Variants in OR4D9 observed in about 807,000 individuals in gnomAD.
OR4D9 encodes olfactory receptor 4D9.
OR4D9 carries 2 observed loss-of-function variants against 0.8 expected under a neutral mutation model. The observed-to-expected ratio is 2.58, with a 90% confidence interval of 1.06 to 8.13. The LOEUF is 8.13. OR4D9 is among the 30% of genes most tolerant of loss of function. The pLI is 0.04. For synonymous variants in OR4D9, 146 were observed against 151.2 expected (o/e 0.97, Z 0.25); for missense variants, 399 against 384.7 (o/e 1.04, Z -0.31).
In OR4D9 at chr11:59,514,779, G is replaced by A. The variant is rs1048889752; in HGVS notation, c.-31+13G>A. On this transcript the variant is annotated intron_variant, in intron 2 of 2. Transcript: ENST00000641962. ...ACTTGCAGACACAGTGAGTGCATAGGGAAAAGAGCTTCCTCCTAATTCTGA... is the reference window on the plus strand; with the variant it reads ...ACTTGCAGACACAGTGAGTGCATAGAGAAAAGAGCTTCCTCCTAATTCTGA... 3 of 638,466 alleles carry A rather than the reference G, an allele frequency of 4.7e-6. No individual in the cohort carries two copies. The highest frequency in any genetic ancestry group is 8.2e-6 in the Non-Finnish European group (3 of 367,632). The allele number at this position is 638,466 out of a possible 1,614,324, so 39.6% of individuals were successfully genotyped here.
chr11:59,515,785 T>C lies in OR4D9; in HGVS notation c.873T>C (p.Asn291=). Residue 291 remains asparagine, a synonymous_variant, in exon 3 of 3, where the codon AAT becomes AAC. Coordinates refer to ENST00000641962, the MANE Select transcript of OR4D9 (RefSeq NM_001004711.2). ...LLNPIIYTLR[N]QEMKLAMRKL... The stretch of plus-strand genomic sequence containing the variant: ...ATCCTATAATTTACACGCTGAGGAA[T>C]CAGGAAATGAAGTTGGCCATGAGGA... The C allele has an allele frequency of 6.2e-7, 1 of 1,614,072 alleles. No homozygotes were observed. The highest frequency in any genetic ancestry group is 8.5e-7 in the Non-Finnish European group (1 of 1,180,018).
intron 1 of OR4D9, among the ~76,000 whole-genome samples, chr11:59,512,594 C>A (rs1324727840): frequency 6.6e-6 from 1 of 150,934 alleles, no homozygotes; most frequent in Admixed American, 6.6e-5. Context: ...GAGGTCCAGG[C>A]AGGTGGTTCA....
rs747776043 is a variant in OR4D9, at chr11:59,515,255, C to G, written c.343C>G (p.Leu115Val). ...HLLGGADVFSLSVMAFDRYIA... is the reference protein window; with the variant it reads ...HLLGGADVFSVSVMAFDRYIA... ...TCTGGGGGGAGCAGACGTTTTTTCT[C>G]TCTCTGTGATGGCGTTTGACCGCTA... Residue 115 changes from leucine to valine, a missense_variant, in exon 3 of 3, where the codon CTC becomes GTC. By Grantham distance (32) the Leu-to-Val change is conservative. Coordinates refer to ENST00000641962, the MANE Select transcript of OR4D9 (RefSeq NM_001004711.2). The G allele has an allele frequency of 2.3e-5, 37 of 1,612,882 alleles. No individual in the cohort carries two copies. Among genetic ancestry groups the G allele is most frequent in the Non-Finnish European group, 2.8e-5 (33 of 1,179,706 alleles).
In OR4D9 at chr11:59,517,690, G is replaced by T. The variant is rs1040847619; in HGVS notation, c.*1833G>T. On this transcript the variant is annotated 3_prime_UTR_variant, in exon 3 of 3. Coordinates refer to ENST00000641962, the MANE Select transcript of OR4D9 (RefSeq NM_001004711.2). ...ACTAAAAATACAAAAATTAAGCCGG[G>T]TGTGGTGGTAAGCGCCTGTAATCCC... 1.3e-5 allele frequency: 2 copies of T among 152,172 alleles called. No homozygotes were observed. The highest frequency in any genetic ancestry group is 2.9e-5 in the Non-Finnish European group (2 of 68,060). 9.4% of individuals were successfully genotyped at this position (152,172 alleles called of 1,614,324 possible).
rs891374269 is a variant in OR4D9, at chr11:59,518,362, C to T, written c.*2505C>T. On this transcript the variant is annotated 3_prime_UTR_variant, in exon 3 of 3. Transcript: ENST00000641962. ...AATGCTGGTCTGCAGAAAGAGGGCA[C>T]AGTGCCACACTGTCATTCAGAAATG... The T allele has an allele frequency of 2.0e-5, 3 of 152,228 alleles. No individual in the cohort carries two copies. The highest frequency in any genetic ancestry group is 1.9e-4 in the East Asian group (1 of 5,202). 9.4% of individuals were successfully genotyped at this position (152,228 alleles called of 1,614,324 possible). A position where few individuals can be genotyped will look rare whatever the true frequency, so the allele number is the denominator to read the frequency against.
In OR4D9 at chr11:59,514,987, G is replaced by C. The variant is rs147595168; in HGVS notation, c.75G>C (p.Gln25His). ...TTACTCAGTCCCGAGAACTGAGCCA[G>C]GTCTTATTTACCTTCCTGTTTTTGG... ...LGITQSRELSQVLFTFLFLVY... is the reference protein window; with the variant it reads ...LGITQSRELSHVLFTFLFLVY... The change falls in exon 3 of 3, where the codon CAG (glutamine) becomes CAC (histidine). Residue 25 changes from glutamine (Q) to histidine (H), a missense_variant. By Grantham distance (24) the Gln-to-His change is conservative. Coordinates refer to ENST00000641962, the MANE Select transcript of OR4D9 (RefSeq NM_001004711.2). The C allele has an allele frequency of 1.9e-3, 3,122 of 1,614,058 alleles. 5 individuals are homozygous for C. Among genetic ancestry groups the C allele is most frequent in the Non-Finnish European group, 2.4e-3 (2,874 of 1,179,948 alleles).
Position 59,516,640 on chromosome 11 carries a change from A to G in OR4D9, c.*783A>G, listed in dbSNP as rs1423209525. 2 of 152,114 alleles carry G rather than the reference A, an allele frequency of 1.3e-5. No individual in the cohort carries two copies. The highest frequency in any genetic ancestry group is 2.9e-5 in the Non-Finnish European group (2 of 68,058). 9.4% of individuals were successfully genotyped at this position (152,114 alleles called of 1,614,324 possible). A position where few individuals can be genotyped will look rare whatever the true frequency, so the allele number is the denominator to read the frequency against. ...GAACAATCCAAGCAAGGAAAACAAC[A>G]TGTACTTGTCCACATGAGGTGTCTT... On this transcript the variant is annotated 3_prime_UTR_variant, in exon 3 of 3. Transcript: ENST00000641962.
At chr11:59,513,717 G>A (rs182898482) in intron 1 of OR4D9, among the ~76,000 whole-genome samples, 6 of 152,212 alleles carry the variant, frequency 3.9e-5, no homozygotes, top group East Asian at 3.9e-4. Flanking sequence ...AAGATCACCC[G>A]AGGCCAGGAG....
intron 1 of OR4D9, among the ~76,000 whole-genome samples, chr11:59,512,531 G>A (rs896372628): frequency 1.3e-5 from 2 of 151,176 alleles, no homozygotes; most frequent in African/African-American, 2.4e-5. Flanking sequence ...AAAATAAAAC[G>A]GTAACTCTTG....
Position 59,519,376 on chromosome 11 carries a change from T to C in OR4D9, c.*3519T>C, listed in dbSNP as rs1448797286. ...CTCAAAAAAAAAAAAAGAAAAAGTT[T>C]GCTGGAAAGGCAACTAGACCCTTAG... On this transcript the variant is annotated 3_prime_UTR_variant, in exon 3 of 3. Transcript: ENST00000641962. 2 of 149,692 alleles carry C rather than the reference T, an allele frequency of 1.3e-5. No individual in the cohort carries two copies. The highest frequency in any genetic ancestry group is 6.7e-5 in the Admixed American group (1 of 14,972). 9.3% of individuals were successfully genotyped at this position (149,692 alleles called of 1,614,324 possible).
rs374672846 is a variant in OR4D9 at position 59,515,804 on chromosome 11, A to G, written c.892A>G (p.Met298Val). The change falls in exon 3 of 3, where the codon ATG becomes GTG. Residue 298 changes from methionine (M) to valine (V), a missense_variant. Coordinates refer to ENST00000641962, the MANE Select transcript of OR4D9 (RefSeq NM_001004711.2). ...GAGGAATCAGGAAATGAAGTTGGCC[A>G]TGAGGAAACTGAAGAGACGGCTAGG... The part of the protein sequence containing the change: ...TLRNQEMKLA[M>V]RKLKRRLGQS... 4 of 1,614,080 alleles carry G rather than the reference A, an allele frequency of 2.5e-6. No homozygotes were observed. The highest frequency in any genetic ancestry group is 3.4e-6 in the Non-Finnish European group (4 of 1,180,030).
chr11:59,515,246 GT>G lies in OR4D9; in HGVS notation c.340del (p.Ser114LeufsTer4), dbSNP rs769357910. 13 of 1,613,332 alleles carry G rather than the reference GT, an allele frequency of 8.1e-6. No individual in the cohort carries two copies. ...CTTCCACCTTCTGGGGGGAGCAGACGTTTTTTCTCTCTCTGTGATGGCGTTT... is the reference window on the plus strand; with the variant it reads ...CTTCCACCTTCTGGGGGGAGCAGACGTTTTTCTCTCTCTGTGATGGCGTTT... ...FFFHLLGGAD[V>X]FSLSVMAFDR... On this transcript the variant is annotated frameshift_variant, in exon 3 of 3. Coordinates refer to ENST00000641962, the MANE Select transcript of OR4D9 (RefSeq NM_001004711.2). LOFTEE classifies it low-confidence loss of function (END_TRUNC).
chr11:59,511,728 T>G lies in OR4D9; in HGVS notation c.-143T>G, dbSNP rs1010480149. 7.2e-5 allele frequency: 11 copies of G among 152,204 alleles called. No homozygotes were observed. Among genetic ancestry groups the G allele is most frequent in the Non-Finnish European group, 1.5e-4 (10 of 68,040 alleles). The allele number at this position is 152,204 out of a possible 1,614,324, so 9.4% of individuals were successfully genotyped here. ...ATGTTCCTATGGAAGTCAAGACTCT[T>G]AAGAAGCAAAGAAAAGAGGTAGTTT... On this transcript the variant is annotated 5_prime_UTR_variant, in exon 1 of 3. The change creates a premature stop within an existing upstream ORF in the 5' untranslated region. Coordinates refer to ENST00000641962, the MANE Select transcript of OR4D9 (RefSeq NM_001004711.2).
intron 1 of OR4D9, among the ~76,000 whole-genome samples, chr11:59,514,283 T>C (rs1025625452): frequency 6.6e-6 from 1 of 152,220 alleles, no homozygotes; most frequent in Admixed American, 6.5e-5. Context: ...CACTTTTTCA[T>C]CTTTTCAGTT....
At chr11:59,513,938 T>C (rs1274000995) in intron 1 of OR4D9, among the ~76,000 whole-genome samples, 1 of 152,092 alleles carries the variant, frequency 6.6e-6, no homozygotes, top group Non-Finnish European at 1.5e-5. Context: ...ACCACTGCAC[T>C]CCAGCCTGGG....
chr11:59,513,874 A>G (rs952337943), intron 1 of OR4D9, among the ~76,000 whole-genome samples: 1 of 152,180 alleles, frequency 6.6e-6, no homozygotes, highest in East Asian at 1.9e-4. Flanking sequence ...GGGAGGCTGA[A>G]GTGGGAGGAT....
chr11:59,513,528 G>T (rs989794278), intron 1 of OR4D9, among the ~76,000 whole-genome samples: 1 of 152,122 alleles, frequency 6.6e-6, no homozygotes, highest in Non-Finnish European at 1.5e-5. Flanking sequence ...ATATTATTAC[G>T]TATAGTGTAA....
chr11:59,515,944 G>C lies in OR4D9; in HGVS notation c.*87G>C. 4 of 977,124 alleles carry C rather than the reference G, an allele frequency of 4.1e-6. No homozygotes were observed. The South Asian group carries it at 7.0e-5, about 17-fold the overall frequency. The allele number at this position is 977,124 out of a possible 1,614,324, so 60.5% of individuals were successfully genotyped here. ...GGAGCTTGTTCATGCCCAAAACAAA[G>C]AGATACCTATGGCCACCATCGAGTC... On this transcript the variant is annotated 3_prime_UTR_variant, in exon 3 of 3. Coordinates refer to ENST00000641962, the MANE Select transcript of OR4D9 (RefSeq NM_001004711.2).
chr11:59,513,121 C>A (rs1381378427), intron 1 of OR4D9, among the ~76,000 whole-genome samples: 1 of 151,978 alleles, frequency 6.6e-6, no homozygotes, highest in African/African-American at 2.4e-5. Flanking sequence ...TGTCACCAGG[C>A]TGGAGTGCAG....
Sources: gnomAD v4.1 joint callset for allele counts (sites outside exome capture counted in the v4.1 genomes callset) on GRCh38, gnomAD v4.1.1 for gene constraint, MANE v1.5 for transcripts, NCBI Gene and HGNC (gene_info 2026-07-23, HGNC 2026-07-21) for gene names.